The following PIK3CD variants were observed in gnomAD, a reference collection of about 807,000 sequenced individuals.
PIK3CD encodes the protein phosphatidylinositol 4,5-bisphosphate 3-kinase catalytic subunit delta isoform.
Under a neutral mutation model 122.9 loss-of-function variants are expected in PIK3CD, and 20 were observed. That is an observed-to-expected ratio of 0.16 (90% confidence interval 0.11 to 0.24). PIK3CD has a LOEUF of 0.24. Ranked by LOEUF, PIK3CD falls within the 10% of genes least tolerant of loss-of-function variation. The probability of loss-of-function intolerance (pLI) is 1.00; values close to 1 mark genes in which losing one functional copy is unlikely to be tolerated. For missense variants in PIK3CD, 787 were observed against 1,406.3 expected (o/e 0.56, Z 7.04); for synonymous variants, 596 against 593.4 (o/e 1.00, Z -0.06).
At chr1:9,627,494 C>T in the PIK3CD span, among the ~76,000 whole-genome samples, 2 of 152,282 alleles carry the variant, frequency 1.3e-5, no homozygotes, top group Admixed American at 1.3e-4. Flanking sequence ...CCACCTCAGA[C>T]TTCGCGCCCG....
intron 1 of PIK3CD, among the ~76,000 whole-genome samples, chr1:9,685,065 C>T (rs965835803): frequency 1.3e-5 from 2 of 151,994 alleles, no homozygotes; most frequent in African/African-American, 4.8e-5. Flanking sequence ...TTTTTAACTA[C>T]AGATGAGCCA....
intron 2 of PIK3CD, among the ~76,000 whole-genome samples, chr1:9,698,149 G>A (rs947847487): frequency 2.0e-5 from 3 of 152,060 alleles, no homozygotes; most frequent in Admixed American, 2.0e-4. Context: ...TTTTTTCTAT[G>A]CTTTTTTTTT....
chr1:9,684,552 A>G (rs867061567), intron 1 of PIK3CD, among the ~76,000 whole-genome samples: 9 of 148,394 alleles, frequency 6.1e-5, no homozygotes, highest in African/African-American at 1.3e-4. Context: ...AAAAAAAAAA[A>G]GAAAAAAGAA....
rs866216963 is a variant in PIK3CD at position 9,724,743 on chromosome 1, G to A, written c.2865-61G>A. On this transcript the variant is annotated intron_variant, in intron 22 of 23. Transcript: ENST00000377346. This position sits in a 1 kb window ranked among gnomAD's most constrained non-coding sequence, Gnocchi z 7.3. ...GGAAGGGGCTGGTTGGATGCAGAGC[G>A]GCCCTCTGGCCTGTGGCTGGGAGTT... 2.4e-5 allele frequency: 39 copies of A among 1,605,992 alleles called. No individual in the cohort carries two copies. Among genetic ancestry groups the A allele is most frequent in the African/African-American group, 2.4e-4 (18 of 74,884 alleles).
At chr1:9,702,258 G>T (rs1013937571) in intron 2 of PIK3CD, among the ~76,000 whole-genome samples, 1 of 151,914 alleles carries the variant, frequency 6.6e-6, no homozygotes, top group African/African-American at 2.4e-5. Flanking sequence ...GCCTCCCAAG[G>T]TGCTGCCCTG....
At chr1:9,678,712 T>C (rs1231760342) in intron 1 of PIK3CD, among the ~76,000 whole-genome samples, 2 of 152,224 alleles carry the variant, frequency 1.3e-5, no homozygotes, top group Non-Finnish European at 2.9e-5. Flanking sequence ...TCTGACCCTG[T>C]GACACCTCTG....
At chr1:9,668,135 C>T (rs967727854) in intron 1 of PIK3CD, among the ~76,000 whole-genome samples, 3 of 151,984 alleles carry the variant, frequency 2.0e-5, no homozygotes, top group African/African-American at 7.3e-5. Context: ...GAGGTCTGCA[C>T]TTCCTTAGTT....
At chr1:9,661,467 C>T (rs1338024553) in intron 1 of PIK3CD, among the ~76,000 whole-genome samples, 2 of 152,182 alleles carry the variant, frequency 1.3e-5, no homozygotes, top group Non-Finnish European at 2.9e-5. Flanking sequence ...CAGCTCACTG[C>T]AGCCTCGACT....
intron 3 of PIK3CD, among the ~76,000 whole-genome samples, chr1:9,712,755 G>GCCA (rs1647107257): frequency 6.6e-6 from 1 of 152,146 alleles, no homozygotes; most frequent in South Asian, 2.1e-4. Context: ...TTAGGAAAAG[G>GCCA]CCTGGCATGG....
chr1:9,702,024 T>C (rs1204969447), intron 2 of PIK3CD, among the ~76,000 whole-genome samples: 10 of 151,220 alleles, frequency 6.6e-5, no homozygotes, highest in African/African-American at 2.4e-4. Context: ...AGATGGAGTC[T>C]CACTCTGTTG....
At chr1:9,649,583 T>C (rs906840551), upstream of PIK3CD, among the ~76,000 whole-genome samples, 2 of 152,088 alleles carry the variant, frequency 1.3e-5, no homozygotes, top group Non-Finnish European at 2.9e-5. Context: ...CCCAAGGTGG[T>C]CCTGAGAGGC....
At chr1:9,645,709 A>G in the PIK3CD span, among the ~76,000 whole-genome samples, 4 of 150,720 alleles carry the variant, frequency 2.7e-5, no homozygotes, top group African/African-American at 9.8e-5. Flanking sequence ...GAGTTTAAGC[A>G]ATTCTCCTGC....
rs994845777 is a variant in PIK3CD at position 9,727,755 on chromosome 1, G to A, written c.*709G>A. On this transcript the variant is annotated 3_prime_UTR_variant, in exon 24 of 24. Coordinates refer to ENST00000377346, the MANE Select transcript of PIK3CD (RefSeq NM_005026.5). The stretch of plus-strand genomic sequence containing the variant: ...GCCTCATGTAGCTCACCCCGGTCAC[G>A]CATGAAGGCAAAAGCAGGTCAGAAG... 22 of 207,176 alleles carry A rather than the reference G, an allele frequency of 1.1e-4. No individual in the cohort carries two copies. Among genetic ancestry groups the A allele is most frequent in the African/African-American group, 4.8e-4 (21 of 43,736 alleles). 12.8% of individuals were successfully genotyped at this position (207,176 alleles called of 1,614,324 possible).
chr1:9,638,107 AAAATAAAT>A, the PIK3CD span, among the ~76,000 whole-genome samples: 17 of 151,666 alleles, frequency 1.1e-4, no homozygotes, highest in African/African-American at 3.4e-4. Context: ...ACTCTGTCTC[AAAATAAAT>A]AAATAAATAA....
Position 9,652,256 on chromosome 1 carries a change from G to A in PIK3CD, c.-138+454G>A, listed in dbSNP as rs1375415496. ...CCAGGGGCCTCCTCTGTACGGCAGC[G>A]GGGTCCACAGAGAGCGCGCTGGTGA... On this transcript the variant is annotated intron_variant, in intron 1 of 23. Transcript: ENST00000377346. This position sits in a 1 kb window ranked among gnomAD's most constrained non-coding sequence, Gnocchi z 6.2. 6.6e-6 allele frequency among the ~76,000 whole-genome samples: 1 copy of A among 152,222 alleles called. No individual in the cohort carries two copies. Among genetic ancestry groups the A allele is most frequent in the South Asian group, 2.1e-4 (1 of 4,838 alleles).
rs1001441756 is a variant in PIK3CD at position 9,652,655 on chromosome 1, C to T, written c.-138+853C>T. On this transcript the variant is annotated intron_variant, in intron 1 of 23. Coordinates refer to ENST00000377346, the MANE Select transcript of PIK3CD (RefSeq NM_005026.5). The surrounding 1 kb of genome is among the most constrained non-coding windows in gnomAD (Gnocchi z 6.2). The stretch of plus-strand genomic sequence containing the variant: ...GAGTTTCCTGTTTTTATTTAGGCTT[C>T]CTCATTTGCACCTCCTCCTTTGAGG... 3.3e-5 allele frequency: 5 copies of T among 152,272 alleles called. No homozygotes were observed. The highest frequency in any genetic ancestry group is 1.2e-4 in the African/African-American group (5 of 41,462). The allele number at this position is 152,272 out of a possible 1,614,324, so 9.4% of individuals were successfully genotyped here.
Position 9,686,954 on chromosome 1 carries a change from C to A in PIK3CD, c.-137-4513C>A, listed in dbSNP as rs374725007. On this transcript the variant is annotated intron_variant, in intron 1 of 23. Coordinates refer to ENST00000377346, the MANE Select transcript of PIK3CD (RefSeq NM_005026.5). ...TCTTCTCTACACAATTTATTAAGGT[C>A]TCTATCTTTTTAGAGTTTGTCAGGG... 9.2e-5 allele frequency among the ~76,000 whole-genome samples: 14 copies of A among 152,290 alleles called. No homozygotes were observed. The East Asian group carries it at 1.9e-3, about 21-fold the overall frequency.
intron 1 of PIK3CD, among the ~76,000 whole-genome samples, chr1:9,654,835 G>A (rs1644796770): frequency 1.3e-5 from 2 of 151,938 alleles, no homozygotes; most frequent in Admixed American, 6.6e-5. Context: ...CGAGGTGGGC[G>A]GATCACTTGA....
chr1:9,673,404 C>T (rs993979836), intron 1 of PIK3CD, among the ~76,000 whole-genome samples: 2 of 152,020 alleles, frequency 1.3e-5, no homozygotes, highest in Admixed American at 6.6e-5. Flanking sequence ...GGATTACAGT[C>T]GTGCACAACG....
Sources: gnomAD v4.1 joint callset for allele counts (sites outside exome capture counted in the v4.1 genomes callset) on GRCh38, gnomAD v4.1.1 for gene constraint, Gnocchi (gnomAD v3.1) non-coding constraint, MANE v1.5 for transcripts, NCBI Gene and HGNC (gene_info 2026-07-23, HGNC 2026-07-21) for gene names.